NUP160: variants seen among roughly 807,000 people sequenced by gnomAD.
NUP160 encodes nuclear pore complex protein Nup160.
A neutral mutation model predicts 196.9 loss-of-function variants in NUP160; 94 were observed. The ratio of observed to expected loss-of-function variants is 0.48; its 90% confidence interval spans 0.40 to 0.57. The LOEUF (loss-of-function observed/expected upper bound fraction) is 0.57, where lower values mean the gene tolerates loss of function less well. NUP160 is among the 20% of genes least tolerant of loss of function. The pLI, the probability that NUP160 is intolerant of heterozygous loss-of-function variation, is 0.00. For synonymous variants in NUP160, 605 were observed against 619.7 expected (o/e 0.98, Z 0.35); for missense variants, 1,638 against 1,748.3 (o/e 0.94, Z 1.13).
intron 34 of NUP160, among the ~76,000 whole-genome samples, chr11:47,782,303 A>ATAT (rs1244214560): frequency 4.9e-5 from 2 of 40,504 alleles, no homozygotes; most frequent in East Asian, 7.0e-4. Context: ...AAAAAAAAAA[A>ATAT]ATATATATAT....
intron 2 of NUP160, among the ~76,000 whole-genome samples, chr11:47,843,329 A>T (rs1349565144): frequency 6.6e-6 from 1 of 152,156 alleles, no homozygotes. Flanking sequence ...CATGATCCAA[A>T]GGCCAATTTT....
chr11:47,824,101 T>C (rs1851921847), intron 7 of NUP160, among the ~76,000 whole-genome samples: 1 of 148,068 alleles, frequency 6.8e-6, no homozygotes, highest in South Asian at 2.1e-4. Context: ...TAATTCTATG[T>C]TTAATTTTTT....
intron 2 of NUP160, chr11:47,841,334 T>G: frequency 2.9e-6 from 1 of 339,818 alleles, no homozygotes; most frequent in South Asian, 4.2e-5. Context: ...ATGGGCAGAA[T>G]TTTCCTTGAT....
intron 15 of NUP160, 119 bp downstream of exon 15, chr11:47,812,763 A>G (rs1235315036): frequency 4.1e-6 from 3 of 731,832 alleles, no homozygotes; most frequent in African/African-American, 1.8e-5. Flanking sequence ...ATCATGGCGC[A>G]TCAGTTTGAC....
At chr11:47,806,109 C>A in intron 20 of NUP160, 44 bp downstream of exon 20, 1 of 1,590,546 alleles carries the variant, frequency 6.3e-7, no homozygotes, top group East Asian at 2.2e-5. Flanking sequence ...CCAACATGCC[C>A]GGCCAGAAGA....
At chr11:47,836,199 G>A (rs1425964541) in intron 6 of NUP160, among the ~76,000 whole-genome samples, 1 of 152,128 alleles carries the variant, frequency 6.6e-6, no homozygotes, top group Non-Finnish European at 1.5e-5. Flanking sequence ...AGTGAGGTGA[G>A]ACTGCGCCAT....
intron 7 of NUP160, among the ~76,000 whole-genome samples, chr11:47,822,770 C>A (rs1163444523): frequency 6.6e-6 from 1 of 152,158 alleles, no homozygotes; most frequent in Non-Finnish European, 1.5e-5. Flanking sequence ...CACCCTGTGG[C>A]CAAGTGTTCT....
chr11:47,834,089 A>G (rs1170354070), intron 7 of NUP160, among the ~76,000 whole-genome samples: 1 of 152,258 alleles, frequency 6.6e-6, no homozygotes, highest in Non-Finnish European at 1.5e-5. Flanking sequence ...ACAGTAATTT[A>G]GATACTGCAT....
At chr11:47,798,285 A>G (rs1565191778) in intron 24 of NUP160, 23 bp from the exon 25 acceptor site, 7 of 1,571,614 alleles carry the variant, frequency 4.5e-6, no homozygotes, top group Non-Finnish European at 6.1e-6. Flanking sequence ...TGTAGATCAA[A>G]TATCAAAAAG....
chr11:47,821,730 A>G lies in NUP160; in HGVS notation c.1271T>C (p.Phe424Ser), dbSNP rs1486578987. The G allele has an allele frequency of 6.2e-7, 1 of 1,611,646 alleles. No individual in the cohort carries two copies. Among genetic ancestry groups the G allele is most frequent in the Admixed American group, 1.7e-5 (1 of 59,992 alleles). Residue 424 changes from phenylalanine to serine, a missense_variant, in exon 9 of 36, where the codon TTT (phenylalanine) becomes TCT (serine). This residue lies in a region of NUP160 where 1,345 missense variants were observed against 1,470.2 expected (regional missense o/e 0.91). Transcript: ENST00000378460. ...AGAATTAAGTGACCCATACTGTTCA[A>G]AGTTGATGTATTTCACTACTGTTTG... is the stretch of plus-strand genomic sequence containing the variant.
At chr11:47,809,734 C>CAA (rs779243939) in intron 17 of NUP160, among the ~76,000 whole-genome samples, 11,321 of 47,428 alleles carry the variant, frequency 0.24, 2,544 homozygotes, top group African/African-American at 0.46. Flanking sequence ...GCAAGACTCT[C>CAA]AAAAAAAAAA....
chr11:47,800,625 C>T (rs778005631), intron 23 of NUP160, among the ~76,000 whole-genome samples: 11 of 152,050 alleles, frequency 7.2e-5, no homozygotes, highest in East Asian at 1.9e-4. Context: ...CTACTGACCT[C>T]GTGATCCGCC....
chr11:47,804,325 G>A (rs1431843802), intron 21 of NUP160: 1 of 468,424 alleles, frequency 2.1e-6, no homozygotes, highest in Admixed American at 4.5e-5. Flanking sequence ...TCTCAGCCAA[G>A]TACTAACCAT....
intron 7 of NUP160, among the ~76,000 whole-genome samples, chr11:47,834,544 C>G (rs1010730494): frequency 6.6e-6 from 1 of 152,178 alleles, no homozygotes; most frequent in African/African-American, 2.4e-5. Context: ...CCCTTCCATT[C>G]TGTTCCTGAG....
At chr11:47,807,188 A>G (rs1489205185) in intron 18 of NUP160, 48 bp from the exon 19 acceptor site, 3 of 1,140,334 alleles carry the variant, frequency 2.6e-6, no homozygotes, top group Non-Finnish European at 4.0e-6. Flanking sequence ...CCTATGCTAA[A>G]CATTACTTCT....
chr11:47,818,013 A>G, intron 11 of NUP160, 43 bp downstream of exon 11: 3 of 1,244,234 alleles, frequency 2.4e-6, no homozygotes, highest in Non-Finnish European at 3.5e-6. Context: ...CAGTAATAAA[A>G]TAAGAAATAG....
chr11:47,806,506 T>C (rs1649483348), intron 19 of NUP160, 194 bp from the exon 20 acceptor site: 1 of 513,622 alleles, frequency 1.9e-6, no homozygotes, highest in Non-Finnish European at 3.5e-6. Context: ...AAAAATGCAA[T>C]AAAAACACCA....
chr11:47,848,528 C>T (rs1278148550), upstream of NUP160: 2 of 891,504 alleles, frequency 2.2e-6, no homozygotes, highest in African/African-American at 1.7e-5. Flanking sequence ...GAGGCAGACT[C>T]TATCTGCGGG....
intron 2 of NUP160, among the ~76,000 whole-genome samples, chr11:47,845,625 G>A (rs1458820764): frequency 6.6e-6 from 1 of 152,160 alleles, no homozygotes; most frequent in East Asian, 1.9e-4. Context: ...CATAAGAGTA[G>A]GGACTTTGTT....
Sources: allele counts gnomAD v4.1 joint callset (sites outside exome capture counted in the v4.1 genomes callset), GRCh38; gene constraint gnomAD v4.1.1; regional missense constraint gnomAD v4.1.1; transcripts MANE v1.5; gene names NCBI Gene and HGNC (gene_info 2026-07-23, HGNC 2026-07-21).